C2orf92: variants seen among roughly 807,000 people sequenced by gnomAD.
C2orf92 encodes the protein uncharacterized protein C2orf92.
chr2:97,679,012 T>C (rs1457936065), intron 3 of C2orf92, among the ~76,000 whole-genome samples: 3 of 151,306 alleles, frequency 2.0e-5, no homozygotes, highest in South Asian at 2.1e-4. Context: ...AGGAAAATAC[T>C]GTCAAGCAAG....
chr2:97,681,982 G>T (rs1479106072), intron 3 of C2orf92, among the ~76,000 whole-genome samples: 1 of 152,096 alleles, frequency 6.6e-6, no homozygotes, highest in African/African-American at 2.4e-5. Context: ...ACAGAGGAAA[G>T]AAGTGAAATA....
intron 5 of C2orf92, among the ~76,000 whole-genome samples, chr2:97,692,352 A>G (rs541897575): frequency 1.3e-4 from 19 of 147,378 alleles, no homozygotes; most frequent in Non-Finnish European, 2.4e-4. Flanking sequence ...TATTAATTTT[A>G]TGTCCTATTG....
chr2:97,676,530 G>A (rs1004346706), intron 3 of C2orf92, among the ~76,000 whole-genome samples: 5 of 151,766 alleles, frequency 3.3e-5, no homozygotes, highest in African/African-American at 1.2e-4. Flanking sequence ...AGGCCAAGGT[G>A]GGAGGATTGC....
At chr2:97,671,345 C>T in intron 1 of C2orf92, 5 of 394,514 alleles carry the variant, frequency 1.3e-5, no homozygotes, top group Non-Finnish European at 2.2e-5. Flanking sequence ...GGGGGTCTCC[C>T]TATGTTTCCC....
Position 97,677,663 on chromosome 2 carries a change from C to G in C2orf92, c.232+1735C>G, listed in dbSNP as rs1396237478. On this transcript the variant is annotated intron_variant, in intron 3 of 7. Coordinates refer to ENST00000627399, the MANE Select transcript of C2orf92 (RefSeq NM_001351368.2). The stretch of plus-strand genomic sequence containing the variant: ...TCTCAACGTAAAATTATAAAACATA[C>G]AAAGAAACAGGAAAGGATGGCTCAT... 2.6e-5 allele frequency: 4 copies of G among 152,100 alleles called. No homozygotes were observed. The East Asian group carries it at 7.7e-4, about 29-fold the overall frequency. The allele number at this position is 152,100 out of a possible 1,614,324, so 9.4% of individuals were successfully genotyped here. A position where few individuals can be genotyped will look rare whatever the true frequency, so the allele number is the denominator to read the frequency against.
chr2:97,665,525 G>T (rs932540064), upstream of C2orf92, among the ~76,000 whole-genome samples: 2 of 151,850 alleles, frequency 1.3e-5, no homozygotes, highest in African/African-American at 4.8e-5. Context: ...AGCAAGAGGG[G>T]GAACACACCC....
chr2:97,666,257 G>A (rs559164932), upstream of C2orf92, among the ~76,000 whole-genome samples: 3 of 150,500 alleles, frequency 2.0e-5, no homozygotes, highest in South Asian at 6.3e-4. Context: ...TGGAGTTGGG[G>A]CCGGGCGCGG....
intron 3 of C2orf92, among the ~76,000 whole-genome samples, chr2:97,681,436 A>G (rs891359858): frequency 7.2e-5 from 11 of 152,212 alleles, no homozygotes; most frequent in African/African-American, 2.4e-4. Flanking sequence ...ACTCTTAAAT[A>G]ATCAATGGGT....
Position 97,692,378 on chromosome 2 carries a change from C to T in C2orf92, c.403+2051C>T, listed in dbSNP as rs186406734. On this transcript the variant is annotated intron_variant, in intron 5 of 7. Coordinates refer to ENST00000627399, the MANE Select transcript of C2orf92 (RefSeq NM_001351368.2). ...TGTCCTATTGCCTTGTTCAATTCTA[C>T]GTATACTGTTATAGAGATAGTTTTA... 1.3e-3 allele frequency among the ~76,000 whole-genome samples: 201 copies of T among 150,080 alleles called. 1 individual carries two copies. Among genetic ancestry groups the T allele is most frequent in the African/African-American group, 4.5e-3 (186 of 40,880 alleles).
At chr2:97,664,565 A>G (rs1003007775) in intron 1 of C2orf92, 3 of 149,866 alleles carry the variant, frequency 2.0e-5, no homozygotes, top group Non-Finnish European at 3.0e-5. Flanking sequence ...GGCGCGCACC[A>G]TATTTATTTA....
chr2:97,676,641 A>G (rs1468665673), intron 3 of C2orf92, among the ~76,000 whole-genome samples: 1 of 147,744 alleles, frequency 6.8e-6, no homozygotes, highest in African/African-American at 2.5e-5. Context: ...GTGTGGTGGC[A>G]TGTGCCTGTG....
At chr2:97,700,341 C>A (rs981176780) in intron 6 of C2orf92, among the ~76,000 whole-genome samples, 7 of 152,150 alleles carry the variant, frequency 4.6e-5, no homozygotes, top group Non-Finnish European at 8.8e-5. Flanking sequence ...GTATGCAGTA[C>A]AACTTTCTGA....
intron 1 of C2orf92, among the ~76,000 whole-genome samples, chr2:97,673,393 T>C (rs1450570070): frequency 6.6e-6 from 1 of 152,150 alleles, no homozygotes; most frequent in Non-Finnish European, 1.5e-5. Flanking sequence ...TCATGATGCT[T>C]GTAGCTCATG....
intron 5 of C2orf92, among the ~76,000 whole-genome samples, chr2:97,691,796 G>T (rs750878938): frequency 2.0e-5 from 3 of 152,248 alleles, no homozygotes; most frequent in Non-Finnish European, 4.4e-5. Context: ...GCTGAGGCAG[G>T]AGAATCGCTT....
intron 3 of C2orf92, among the ~76,000 whole-genome samples, chr2:97,678,263 C>T (rs1675647240): frequency 6.6e-6 from 1 of 150,904 alleles, no homozygotes; most frequent in Non-Finnish European, 1.5e-5. Flanking sequence ...AAGTATCCAG[C>T]CTGAGAAGCA....
intron 3 of C2orf92, among the ~76,000 whole-genome samples, chr2:97,687,238 A>G (rs1214399415): frequency 6.6e-6 from 1 of 152,108 alleles, no homozygotes; most frequent in Non-Finnish European, 1.5e-5. Context: ...GTGGTGACAC[A>G]TGCCTGTAGT....
intron 3 of C2orf92, among the ~76,000 whole-genome samples, chr2:97,686,087 T>C (rs1329266511): frequency 6.6e-6 from 1 of 152,254 alleles, no homozygotes; most frequent in Non-Finnish European, 1.5e-5. Context: ...GGCCAGCATC[T>C]GGCAAGAACC....
intron 5 of C2orf92, among the ~76,000 whole-genome samples, chr2:97,692,379 G>A (rs1017767834): frequency 1.9e-4 from 28 of 147,896 alleles, no homozygotes; most frequent in African/African-American, 6.5e-4. Context: ...TCAATTCTAC[G>A]TATACTGTTA....
At chr2:97,690,756 G>T (rs1676107488) in intron 5 of C2orf92, among the ~76,000 whole-genome samples, 1 of 148,712 alleles carries the variant, frequency 6.7e-6, no homozygotes, top group Non-Finnish European at 1.5e-5. Flanking sequence ...CTTGTAGAGA[G>T]TACAAGAGAG....
Sources: allele counts gnomAD v4.1 joint callset (sites outside exome capture counted in the v4.1 genomes callset), GRCh38; gene constraint gnomAD v4.1.1; transcripts MANE v1.5; gene names NCBI Gene and HGNC (gene_info 2026-07-23, HGNC 2026-07-21).